Variants in GLT1D1 observed in about 807,000 individuals in gnomAD.
GLT1D1 encodes glycosyltransferase 1 domain containing 1.
A neutral mutation model predicts 28.7 loss-of-function variants in GLT1D1; 21 were observed. That is an observed-to-expected ratio of 0.73 (90% CI 0.52 to 1.05). The LOEUF is 1.05. Ranked by LOEUF, GLT1D1 falls within the 50% of genes least tolerant of loss-of-function variation. The probability of loss-of-function intolerance (pLI) is 0.00; values close to 1 mark genes in which losing one functional copy is unlikely to be tolerated. For missense variants in GLT1D1, 343 were observed against 330.6 expected, an observed-to-expected ratio of 1.04 and a Z score of -0.29; for synonymous variants, 147 against 124.8, an observed-to-expected ratio of 1.18 and a Z score of -1.19.
intron 4 of GLT1D1, among the ~76,000 whole-genome samples, chr12:128,900,822 G>C (rs1870169049): frequency 6.6e-6 from 1 of 152,056 alleles, no homozygotes; most frequent in Admixed American, 6.6e-5. Context: ...TTTTAGTAGG[G>C]ACGTGGTTTC....
intron 1 of GLT1D1, among the ~76,000 whole-genome samples, chr12:128,862,135 C>G (rs1167644062): frequency 1.6e-4 from 25 of 151,744 alleles, no homozygotes; most frequent in Admixed American, 1.6e-3. Flanking sequence ...TTGAGACCAG[C>G]CTGGCTAACA....
intron 6 of GLT1D1, among the ~76,000 whole-genome samples, chr12:128,950,772 T>G (rs1239980355): frequency 6.6e-6 from 1 of 152,190 alleles, no homozygotes; most frequent in East Asian, 1.9e-4. Context: ...GAGTCTCAAA[T>G]GAAGTTTCCT....
chr12:128,967,862 A>G (rs757252646), intron 7 of GLT1D1, among the ~76,000 whole-genome samples: 5 of 150,488 alleles, frequency 3.3e-5, no homozygotes, highest in Non-Finnish European at 6.0e-5. Context: ...CACAGCACAC[A>G]GTAGGTCCTC....
chr12:128,869,870 C>A (rs1391328869), intron 1 of GLT1D1, among the ~76,000 whole-genome samples: 1 of 151,852 alleles, frequency 6.6e-6, no homozygotes. Context: ...ACTTCCTGAT[C>A]TAGTCACTTT....
chr12:128,879,430 C>CTTTCTTTCTTTCT lies in GLT1D1; in HGVS notation c.217+3371_217+3383dup, dbSNP rs1956970337. Among the ~76,000 whole-genome samples, 6 of 105,324 alleles carry CTTTCTTTCTTTCT rather than the reference C, an allele frequency of 5.7e-5. No homozygotes were observed. In the East Asian group the frequency reaches 1.7e-3, roughly 29 times the overall value. 69.1% of individuals were successfully genotyped at this position (105,324 alleles called of 152,430 possible). ...TCTTTCTTTCTTTCTTTCTTTCTTT[C>CTTTCTTTCTTTCT]TTTCTTTCTTTCTTTCTTTCTTTCT... On this transcript the variant is annotated intron_variant, in intron 2 of 7. Coordinates refer to ENST00000281703, the MANE Select transcript of GLT1D1 (RefSeq NM_144669.3).
chr12:128,896,660 A>AC (rs1292673001), intron 3 of GLT1D1, among the ~76,000 whole-genome samples: 3 of 148,828 alleles, frequency 2.0e-5, no homozygotes, highest in Non-Finnish European at 4.4e-5. Context: ...GCTCACTGCA[A>AC]CCTCCGCCTC....
chr12:128,866,769 C>T (rs568932799), intron 1 of GLT1D1, among the ~76,000 whole-genome samples: 11 of 152,150 alleles, frequency 7.2e-5, no homozygotes, highest in East Asian at 2.0e-4. Context: ...TACAGGCGTG[C>T]GCCACCACAC....
Position 128,905,190 on chromosome 12 carries a change from A to G in GLT1D1, c.375+5903A>G, listed in dbSNP as rs1052658897. Among the ~76,000 whole-genome samples the G allele has an allele frequency of 2.6e-5, 4 of 152,196 alleles. No homozygotes were observed. The East Asian group carries it at 7.7e-4, about 29-fold the overall frequency. ...CCGAATTTCCTAGTACACACCCACTATATGTCATCAATATGAAAGTTACTA... is the reference window on the plus strand; with the variant it reads ...CCGAATTTCCTAGTACACACCCACTGTATGTCATCAATATGAAAGTTACTA... On this transcript the variant is annotated intron_variant, in intron 4 of 7. Transcript: ENST00000281703.
intron 4 of GLT1D1, among the ~76,000 whole-genome samples, chr12:128,923,016 A>T (rs1872807991): frequency 6.6e-6 from 1 of 151,768 alleles, no homozygotes; most frequent in Non-Finnish European, 1.5e-5. Context: ...TCAGCGGCTT[A>T]TTCAGAGGCT....
At chr12:128,948,503 A>G (rs1876360293) in intron 6 of GLT1D1, among the ~76,000 whole-genome samples, 1 of 152,152 alleles carries the variant, frequency 6.6e-6, no homozygotes, top group Non-Finnish European at 1.5e-5. Context: ...ACATGGCGTA[A>G]ACAAGCATTG....
intron 1 of GLT1D1, among the ~76,000 whole-genome samples, chr12:128,862,967 C>A (rs1006324403): frequency 7.9e-5 from 12 of 152,160 alleles, no homozygotes; most frequent in African/African-American, 2.7e-4. Flanking sequence ...ATAGAGCCGA[C>A]CTAGTTCCAG....
chr12:128,963,838 T>C (rs1331722143), intron 7 of GLT1D1, among the ~76,000 whole-genome samples: 1 of 152,138 alleles, frequency 6.6e-6, no homozygotes, highest in Non-Finnish European at 1.5e-5. Context: ...CAGTTGGCTG[T>C]GGGTGGTGCG....
At position 128,933,846 on chromosome 12, in the gene GLT1D1, A is replaced by G. The variant is rs1480739056; in HGVS notation, c.376-11480A>G. ...ACTAGGAGGGGACTAAGGCGATTTCATGCTTGAAGTTGACTATTTCCTGCA... is the reference window on the plus strand; with the variant it reads ...ACTAGGAGGGGACTAAGGCGATTTCGTGCTTGAAGTTGACTATTTCCTGCA... On this transcript the variant is annotated intron_variant, in intron 4 of 7. Transcript: ENST00000281703. Among the ~76,000 whole-genome samples, 3 of 152,346 alleles carry G rather than the reference A, an allele frequency of 2.0e-5. No individual in the cohort carries two copies. The East Asian group carries it at 5.8e-4, about 29-fold the overall frequency.
intron 1 of GLT1D1, among the ~76,000 whole-genome samples, chr12:128,874,914 T>C (rs988399216): frequency 1.3e-5 from 2 of 152,248 alleles, no homozygotes; most frequent in African/African-American, 4.8e-5. Context: ...AGTTTCTCAT[T>C]TGTCTTCTGA....
intron 2 of GLT1D1, among the ~76,000 whole-genome samples, chr12:128,887,146 G>A (rs1335302225): frequency 6.6e-6 from 1 of 151,890 alleles, no homozygotes; most frequent in African/African-American, 2.4e-5. Context: ...GGAGTAGGTC[G>A]GATTACAGGT....
chr12:128,912,611 G>A (rs1161701840), intron 4 of GLT1D1, 151 bp downstream of exon 5: 3 of 157,180 alleles, frequency 1.9e-5, no homozygotes, highest in African/African-American at 7.2e-5. Context: ...TGTTTATGAA[G>A]GAGATAATAT....
chr12:128,911,631 C>G (rs1871543748), intron 4 of GLT1D1, among the ~76,000 whole-genome samples: 1 of 152,212 alleles, frequency 6.6e-6, no homozygotes, highest in Admixed American at 6.5e-5. Flanking sequence ...TTGGCATGGA[C>G]TTGCTCCATC....
In GLT1D1 at chr12:128,908,323, CTTCT is replaced by C. The variant is rs200053987; in HGVS notation, c.375+9056_375+9059del. Among the ~76,000 whole-genome samples, 529 of 147,554 alleles carry C rather than the reference CTTCT, an allele frequency of 3.6e-3. 2 individuals are homozygous for C. The highest frequency in any genetic ancestry group is 8.7e-3 in the African/African-American group (345 of 39,496). ...CACCCACGTATTTTCTTTTACTTTC[CTTCT>C]TTCTTTCTTTCTTTCTTTCCCTTTC... On this transcript the variant is annotated intron_variant, in intron 4 of 7. Transcript: ENST00000281703.
intron 4 of GLT1D1, among the ~76,000 whole-genome samples, chr12:128,943,911 T>C (rs1465923576): frequency 6.6e-6 from 1 of 152,250 alleles, no homozygotes; most frequent in Non-Finnish European, 1.5e-5. Flanking sequence ...ATGTAACTTT[T>C]TTTTAACTTT....
Sources: gnomAD v4.1 joint callset for allele counts (sites outside exome capture counted in the v4.1 genomes callset) on GRCh38, gnomAD v4.1.1 for gene constraint, MANE v1.5 for transcripts, NCBI Gene and HGNC (gene_info 2026-07-23, HGNC 2026-07-21) for gene names.